PTPRJ: variants seen among roughly 807,000 people sequenced by gnomAD.
PTPRJ encodes the protein receptor-type tyrosine-protein phosphatase eta.
In PTPRJ, 129 loss-of-function variants were observed where a neutral mutation model predicts 141.3. The ratio of observed to expected loss-of-function variants is 0.91; its 90% CI spans 0.79 to 1.06. The LOEUF is 1.06. Among genes scored for constraint, PTPRJ ranks in the 50% least tolerant of loss-of-function variants. The pLI, the probability that PTPRJ is intolerant of heterozygous loss-of-function variation, is 0.00. For missense variants in PTPRJ, 1,601 were observed against 1,679.7 expected (o/e 0.95, Z 0.82); for synonymous variants, 610 against 640.5 (o/e 0.95, Z 0.72).
chr11:48,027,505 TGTC>T (rs911463591), intron 1 of PTPRJ, among the ~76,000 whole-genome samples: 2 of 151,840 alleles, frequency 1.3e-5, no homozygotes, highest in Non-Finnish European at 2.9e-5. Context: ...AAAACTTCAG[TGTC>T]GTCTGGGTGC....
rs189917828 is a variant in PTPRJ at position 48,148,001 on chromosome 11, C to T, written c.2999+1038C>T. 1.8e-3 allele frequency among the ~76,000 whole-genome samples: 268 copies of T among 152,198 alleles called. 2 individuals carry two copies. The highest frequency in any genetic ancestry group is 6.1e-3 in the African/African-American group (255 of 41,546). On this transcript the variant is annotated intron_variant, in intron 15 of 24. Coordinates refer to ENST00000418331, the MANE Select transcript of PTPRJ (RefSeq NM_002843.4). Reference sequence around the variant, plus strand: ...GCTGGGATTACAGGCACCGCCACCACACCCAGCTAATTTTTGTATTTTTAG... The same window carrying T: ...GCTGGGATTACAGGCACCGCCACCATACCCAGCTAATTTTTGTATTTTTAG...
intron 1 of PTPRJ, among the ~76,000 whole-genome samples, chr11:48,108,769 G>GT (rs1856363111): frequency 6.6e-6 from 1 of 152,208 alleles, no homozygotes; most frequent in African/African-American, 2.4e-5. Context: ...CTGAAAAAGG[G>GT]TAGGCCTGAG....
intron 16 of PTPRJ, 104 bp downstream of exon 16, chr11:48,149,592 C>A: frequency 2.5e-6 from 2 of 794,696 alleles, no homozygotes; most frequent in Non-Finnish European, 3.9e-6. Context: ...TCCTGATTGG[C>A]ACATTTTGAC....
intron 1 of PTPRJ, among the ~76,000 whole-genome samples, chr11:47,995,985 CTGAGATTGTGCCA>C (rs1854324610): frequency 1.3e-5 from 2 of 150,436 alleles, no homozygotes; most frequent in Admixed American, 1.3e-4. Context: ...TTGTGGTGAC[CTGAGATTGTGCCA>C]TTGCACTTCA....
chr11:48,140,179 C>T (rs1385637927), intron 11 of PTPRJ, among the ~76,000 whole-genome samples: 1 of 152,178 alleles, frequency 6.6e-6, no homozygotes, highest in Non-Finnish European at 1.5e-5. Flanking sequence ...GGACTACAGA[C>T]ACATGTCACC....
chr11:48,130,379 C>T, intron 7 of PTPRJ, 80 bp from the exon 8 acceptor site: 1 of 1,386,334 alleles, frequency 7.2e-7, no homozygotes, highest in African/African-American at 1.4e-5. Flanking sequence ...TACATTTCAT[C>T]TCAGTATTTT....
Position 48,124,955 on chromosome 11 carries a change from G to A in PTPRJ, c.875-13G>A, listed in dbSNP as rs749788171. ...TGTGGTTGATGTCTTTTTGTCTCCT[G>A]TGCTTGAAACAGATGCCAGCAATAC... is the stretch of plus-strand genomic sequence containing the variant. On this transcript the variant is annotated splice_polypyrimidine_tract_variant and intron_variant, in intron 5 of 24. Coordinates refer to ENST00000418331, the MANE Select transcript of PTPRJ (RefSeq NM_002843.4). 1 of 1,612,640 alleles carries A rather than the reference G, an allele frequency of 6.2e-7. No individual in the cohort carries two copies. The highest frequency in any genetic ancestry group is 8.5e-7 in the Non-Finnish European group (1 of 1,179,300).
intron 24 of PTPRJ, 60 bp from the exon 25 acceptor site, chr11:48,167,144 G>A (rs1397934131): frequency 6.7e-7 from 1 of 1,494,432 alleles, no homozygotes. Flanking sequence ...AAATAATTTT[G>A]GGTGCTAATT....
intron 1 of PTPRJ, among the ~76,000 whole-genome samples, chr11:48,007,276 AT>A (rs36058449): frequency 0.43 from 59,491 of 137,594 alleles, 16,572 homozygotes; most frequent in African/African-American, 0.82. Context: ...AATTTTTTGT[AT>A]TTTTTTTTTT....
At chr11:48,150,402 G>A (rs1467692648) in intron 18 of PTPRJ, among the ~76,000 whole-genome samples, 2 of 152,200 alleles carry the variant, frequency 1.3e-5, no homozygotes, top group Non-Finnish European at 2.9e-5. Context: ...CACACAAACA[G>A]GTTACATTAA....
chr11:48,154,844 T>C (rs1857563702), intron 19 of PTPRJ, among the ~76,000 whole-genome samples: 1 of 152,186 alleles, frequency 6.6e-6, no homozygotes, highest in Non-Finnish European at 1.5e-5. Flanking sequence ...TTTGGGATTA[T>C]TGGCCCCTTT....
intron 1 of PTPRJ, among the ~76,000 whole-genome samples, chr11:47,985,699 T>TATTC (rs1408004465): frequency 1.1e-3 from 172 of 151,226 alleles, no homozygotes; most frequent in Non-Finnish European, 2.2e-3. Flanking sequence ...TTTATTTATT[T>TATTC]ATTTATTTAT....
At chr11:48,109,117 G>C (rs374647793) in intron 1 of PTPRJ, among the ~76,000 whole-genome samples, 1 of 152,114 alleles carries the variant, frequency 6.6e-6, no homozygotes, top group Non-Finnish European at 1.5e-5. Context: ...ATATGTAAAG[G>C]CTCTAGGGGA....
chr11:48,164,305 G>A (rs1016207304), intron 23 of PTPRJ, 75 bp from the exon 24 acceptor site: 5 of 1,560,198 alleles, frequency 3.2e-6, no homozygotes, highest in East Asian at 2.3e-5. Flanking sequence ...CAAGATATAT[G>A]TACAAATGAG....
chr11:48,137,570 C>T (rs919724001), intron 10 of PTPRJ, among the ~76,000 whole-genome samples: 1 of 152,142 alleles, frequency 6.6e-6, no homozygotes, highest in African/African-American at 2.4e-5. Context: ...GGAAAGGCCT[C>T]AATGACAAGG....
intron 12 of PTPRJ, among the ~76,000 whole-genome samples, chr11:48,144,355 C>T (rs1367284859): frequency 2.0e-5 from 3 of 152,200 alleles, no homozygotes; most frequent in Non-Finnish European, 4.4e-5. Flanking sequence ...GGGCTCTGAG[C>T]CCGATGCCCT....
chr11:47,997,137 C>T (rs1262469165), intron 1 of PTPRJ, among the ~76,000 whole-genome samples: 12 of 152,170 alleles, frequency 7.9e-5, no homozygotes, highest in Admixed American at 5.2e-4. Context: ...TCCTGTGTGC[C>T]CCGTAGGATG....
At chr11:48,056,028 G>A (rs571839494) in intron 1 of PTPRJ, among the ~76,000 whole-genome samples, 27 of 152,206 alleles carry the variant, frequency 1.8e-4, no homozygotes, top group Non-Finnish European at 3.4e-4. Context: ...TGGGGAGGAA[G>A]TGGGTTTTCA....
intron 1 of PTPRJ, among the ~76,000 whole-genome samples, chr11:48,080,361 C>T (rs1476380738): frequency 6.6e-6 from 1 of 152,196 alleles, no homozygotes; most frequent in African/African-American, 2.4e-5. Flanking sequence ...TGGGAAGTAG[C>T]TATTGTCTCT....
Sources: gnomAD v4.1 joint callset for allele counts (sites outside exome capture counted in the v4.1 genomes callset) on GRCh38, gnomAD v4.1.1 for gene constraint, MANE v1.5 for transcripts, NCBI Gene and HGNC (gene_info 2026-07-23, HGNC 2026-07-21) for gene names.